Variants in CTNND2 observed in about 807,000 individuals in gnomAD.
The protein encoded by CTNND2 is catenin delta-2.
In CTNND2, 22 loss-of-function variants were observed where a neutral mutation model predicts 144.4. That is an observed-to-expected ratio of 0.15 (90% CI 0.11 to 0.22). The LOEUF is 0.22. Ranked by LOEUF, CTNND2 falls within the 10% of genes least tolerant of loss-of-function variation. The pLI is 1.00. For missense variants in CTNND2, 1,353 were observed against 1,618.8 expected (o/e 0.84, Z 2.82); for synonymous variants, 751 against 695.6 (o/e 1.08, Z -1.25).
chr5:11,510,309 A>G (rs565979727), intron 3 of CTNND2, among the ~76,000 whole-genome samples: 1 of 152,156 alleles, frequency 6.6e-6, no homozygotes, highest in Non-Finnish European at 1.5e-5. Flanking sequence ...ATGATCTTTG[A>G]TTACAGAAAT....
intron 2 of CTNND2, among the ~76,000 whole-genome samples, chr5:11,613,693 G>A (rs1780443684): frequency 6.6e-6 from 1 of 152,202 alleles, no homozygotes. Flanking sequence ...CCTGTTGCCT[G>A]CTAAAGTCTC....
intron 2 of CTNND2, among the ~76,000 whole-genome samples, chr5:11,687,008 G>T (rs1056426563): frequency 7.2e-5 from 11 of 151,834 alleles, no homozygotes; most frequent in African/African-American, 2.7e-4. Context: ...ATAACTACTT[G>T]TGCTATGATT....
chr5:11,493,366 T>C (rs545051933), intron 3 of CTNND2, among the ~76,000 whole-genome samples: 6 of 152,232 alleles, frequency 3.9e-5, no homozygotes, highest in Admixed American at 3.3e-4. Flanking sequence ...TAAAACTCCA[T>C]CTCTTGGGTT....
chr5:11,588,879 A>ACCTCCCT (rs890351215), intron 2 of CTNND2: 1 of 984,866 alleles, frequency 1.0e-6, no homozygotes, highest in African/African-American at 1.8e-5. Context: ...CATCCTACCC[A>ACCTCCCT]CCTCCCTCCT....
At chr5:11,410,288 T>C (rs559186026) in intron 5 of CTNND2, among the ~76,000 whole-genome samples, 2 of 152,254 alleles carry the variant, frequency 1.3e-5, no homozygotes, top group Admixed American at 6.5e-5. Context: ...TGCATATGGG[T>C]ATAAATAAAT....
intron 9 of CTNND2, among the ~76,000 whole-genome samples, chr5:11,346,079 C>A (rs1264034123): frequency 1.3e-5 from 2 of 152,082 alleles, no homozygotes; most frequent in Non-Finnish European, 2.9e-5. Flanking sequence ...AGCCTCCAGT[C>A]CCCAGTTTCC....
chr5:11,049,281 G>A (rs1745590830), intron 16 of CTNND2, among the ~76,000 whole-genome samples: 1 of 152,162 alleles, frequency 6.6e-6, no homozygotes, highest in Non-Finnish European at 1.5e-5. Context: ...GCTTTTGGAG[G>A]CTTTTGTGTG....
intron 16 of CTNND2, among the ~76,000 whole-genome samples, chr5:11,060,515 G>A (rs765865975): frequency 5.9e-5 from 9 of 152,122 alleles, no homozygotes; most frequent in African/African-American, 1.2e-4. Flanking sequence ...TACCCAACAC[G>A]AGAGTCTAGA....
chr5:11,193,118 A>T (rs1216535907), intron 11 of CTNND2, among the ~76,000 whole-genome samples: 1 of 152,074 alleles, frequency 6.6e-6, no homozygotes, highest in Non-Finnish European at 1.5e-5. Flanking sequence ...CTGCTAAAGG[A>T]CCCAGGCCCC....
chr5:11,272,623 T>C (rs1042894043), intron 9 of CTNND2, among the ~76,000 whole-genome samples: 1 of 152,152 alleles, frequency 6.6e-6, no homozygotes, highest in African/African-American at 2.4e-5. Context: ...CCATCGTAGG[T>C]GGTCCCCAGG....
chr5:10,980,661 A>G (rs1737110647), intron 21 of CTNND2, among the ~76,000 whole-genome samples: 1 of 152,234 alleles, frequency 6.6e-6, no homozygotes, highest in East Asian at 1.9e-4. Flanking sequence ...ATGTCCATCA[A>G]TGATAGACTG....
rs77374772 is a variant in CTNND2, at chr5:11,523,737, T to C, written c.287+41207A>G. On this transcript the variant is annotated intron_variant, in intron 3 of 21. Coordinates refer to ENST00000304623, the MANE Select transcript of CTNND2 (RefSeq NM_001332.4). ...GCACCTGCTCTTATGGCTCTCTTTT[T>C]TCTGGTTGGATTGCCTCCTCTTCCC... Among the ~76,000 whole-genome samples, 1,014 of 152,310 alleles carry C rather than the reference T, an allele frequency of 6.7e-3. 11 individuals carry two copies. The highest frequency in any genetic ancestry group is 0.023 in the African/African-American group (975 of 41,572).
chr5:11,502,124 G>C (rs1770588644), intron 3 of CTNND2, among the ~76,000 whole-genome samples: 1 of 151,430 alleles, frequency 6.6e-6, no homozygotes, highest in South Asian at 2.1e-4. Context: ...ACCAGGAAGA[G>C]AGTTTACCAA....
chr5:11,735,664 G>A (rs571833152), intron 1 of CTNND2, among the ~76,000 whole-genome samples: 3 of 152,292 alleles, frequency 2.0e-5, no homozygotes, highest in South Asian at 4.1e-4. Context: ...TCTCATGATA[G>A]TGAATAAGTC....
At chr5:11,604,212 T>A (rs987701830) in intron 2 of CTNND2, among the ~76,000 whole-genome samples, 4 of 152,178 alleles carry the variant, frequency 2.6e-5, no homozygotes, top group Non-Finnish European at 5.9e-5. Context: ...GACTTTGGAA[T>A]AAAAACAGTG....
chr5:11,336,942 C>A (rs16901507), intron 9 of CTNND2, among the ~76,000 whole-genome samples: 4,725 of 152,218 alleles, frequency 0.031, 270 homozygotes, highest in East Asian at 0.16. Context: ...GAATGATTGA[C>A]CCAGTGAGCC....
At chr5:11,698,105 T>C (rs1785220750) in intron 2 of CTNND2, among the ~76,000 whole-genome samples, 1 of 152,072 alleles carries the variant, frequency 6.6e-6, no homozygotes, top group Admixed American at 6.6e-5. Flanking sequence ...TGGGGTCCAT[T>C]GAAGATCAAG....
intron 2 of CTNND2, among the ~76,000 whole-genome samples, chr5:11,575,473 C>T (rs1039229171): frequency 2.0e-5 from 3 of 152,138 alleles, no homozygotes; most frequent in African/African-American, 7.2e-5. Context: ...CTACCTCTCT[C>T]TCCCCTCTAC....
intron 1 of CTNND2, among the ~76,000 whole-genome samples, chr5:11,820,249 T>G (rs1313671085): frequency 6.6e-6 from 1 of 152,220 alleles, no homozygotes. Flanking sequence ...GCCATTTATG[T>G]ATCTGTCAAG....
Sources: allele counts gnomAD v4.1 joint callset (sites outside exome capture counted in the v4.1 genomes callset), GRCh38; gene constraint gnomAD v4.1.1; transcripts MANE v1.5; gene names NCBI Gene and HGNC (gene_info 2026-07-23, HGNC 2026-07-21).